EYA4: variants seen among roughly 807,000 people sequenced by gnomAD.
The protein encoded by EYA4 is EYA transcriptional coactivator and phosphatase 4.
A neutral mutation model predicts 87.9 loss-of-function variants in EYA4; 31 were observed. That is an observed-to-expected ratio of 0.35 (90% CI 0.27 to 0.48). The LOEUF is 0.48. EYA4 is among the 20% of genes least tolerant of loss of function. EYA4 has a pLI of 0.99. For missense variants in EYA4, 678 were observed against 761.4 expected (o/e 0.89, Z 1.29); for synonymous variants, 263 against 270.6 (o/e 0.97, Z 0.28).
intron 3 of EYA4, among the ~76,000 whole-genome samples, chr6:133,416,198 T>C (rs1256918114): frequency 6.6e-6 from 1 of 152,166 alleles, no homozygotes; most frequent in Non-Finnish European, 1.5e-5. Context: ...GTATCAATAA[T>C]GGATTTGAAG....
At chr6:133,322,031 G>A (rs1036112573) in intron 2 of EYA4, among the ~76,000 whole-genome samples, 10 of 152,142 alleles carry the variant, frequency 6.6e-5, no homozygotes, top group Non-Finnish European at 1.0e-4. Context: ...TTCAGATTGT[G>A]TTTATCATTG....
intron 3 of EYA4, among the ~76,000 whole-genome samples, chr6:133,441,830 G>C (rs769534069): frequency 1.3e-5 from 2 of 151,918 alleles, no homozygotes; most frequent in Non-Finnish European, 2.9e-5. Flanking sequence ...AATTGAAAAG[G>C]GTTGCTTTAT....
At chr6:133,243,322 G>C (rs1774129146) in intron 1 of EYA4, among the ~76,000 whole-genome samples, 1 of 152,116 alleles carries the variant, frequency 6.6e-6, no homozygotes. Context: ...GGCACCCTGG[G>C]ATCAACGTAA....
intron 17 of EYA4, among the ~76,000 whole-genome samples, chr6:133,522,025 T>G: frequency 2.4e-5 from 3 of 127,638 alleles, no homozygotes; most frequent in South Asian, 3.0e-4. Context: ...AGATGACGAG[T>G]TAGTGGGTGC....
chr6:133,426,109 A>G lies in EYA4; in HGVS notation c.84-20521A>G, dbSNP rs1305725955. On this transcript the variant is annotated intron_variant, in intron 3 of 19. Coordinates refer to ENST00000355286, the MANE Select transcript of EYA4 (RefSeq NM_004100.5). ...AAGCCTTCTTTTATCTCCTGCATAC[A>G]TGTACATTTACAGAAAACTCAGTAA... is the stretch of plus-strand genomic sequence containing the variant. 1.3e-5 allele frequency among the ~76,000 whole-genome samples: 2 copies of G among 148,666 alleles called. 1 individual carries two copies. Among genetic ancestry groups the G allele is most frequent in the African/African-American group, 5.2e-5 (2 of 38,564 alleles).
Position 133,301,880 on chromosome 6 carries a change from C to T in EYA4, c.33+27067C>T, listed in dbSNP as rs372228205. Among the ~76,000 whole-genome samples, 33 of 152,314 alleles carry T rather than the reference C, an allele frequency of 2.2e-4. No individual in the cohort carries two copies. The South Asian group carries it at 5.4e-3, about 25-fold the overall frequency. On this transcript the variant is annotated intron_variant, in intron 2 of 19. Transcript: ENST00000355286. ...AGCAGAAGGATGAATGTGACATAGC[C>T]CATGCTCTGAAGGAGCTTGCAGTCT... is the stretch of plus-strand genomic sequence containing the variant.
intron 13 of EYA4, among the ~76,000 whole-genome samples, chr6:133,501,308 C>T (rs1265836313): frequency 6.6e-6 from 1 of 152,004 alleles, no homozygotes; most frequent in African/African-American, 2.4e-5. Context: ...TATCAGATAT[C>T]TCATCCAGTA....
chr6:133,315,557 A>G (rs1183200878), intron 2 of EYA4, among the ~76,000 whole-genome samples: 1 of 152,214 alleles, frequency 6.6e-6, no homozygotes, highest in African/African-American at 2.4e-5. Context: ...CCAAAATGGT[A>G]AAAGAAAATG....
intron 10 of EYA4, 111 bp from the exon 11 acceptor site, chr6:133,468,455 A>G: frequency 1.1e-6 from 1 of 898,558 alleles, no homozygotes; most frequent in South Asian, 1.3e-5. Context: ...GGACTCAGAA[A>G]CAAATGGGGC....
In EYA4 at chr6:133,391,225, T is replaced by TTG. The variant is rs1253312295; in HGVS notation, c.83+8785_83+8786insGT. ...TTATTTTTTGGGTTTTGTTTTTGTT[T>TTG]TTTTTTTTTTTTTGAGATGGAGTTT... On this transcript the variant is annotated intron_variant, in intron 3 of 19. Coordinates refer to ENST00000355286, the MANE Select transcript of EYA4 (RefSeq NM_004100.5). Among the ~76,000 whole-genome samples the TTG allele has an allele frequency of 4.9e-5, 4 of 82,098 alleles. No individual in the cohort carries two copies. The East Asian group carries it at 1.4e-3, about 28-fold the overall frequency. The allele number at this position is 82,098 out of a possible 152,430, so 53.9% of individuals were successfully genotyped here. A position where few individuals can be genotyped will look rare whatever the true frequency, so the allele number is the denominator to read the frequency against.
intron 2 of EYA4, among the ~76,000 whole-genome samples, chr6:133,314,703 TA>T: frequency 6.6e-6 from 1 of 152,194 alleles, no homozygotes; most frequent in Non-Finnish European, 1.5e-5. Context: ...GTTACAACCA[TA>T]AAAATAAAGC....
intron 2 of EYA4, among the ~76,000 whole-genome samples, chr6:133,299,443 C>T (rs1486409464): frequency 2.0e-5 from 3 of 151,910 alleles, no homozygotes; most frequent in Non-Finnish European, 4.4e-5. Context: ...CACTTAAAAT[C>T]GGCTGGGCCT....
chr6:133,346,034 C>T (rs1267204551), intron 2 of EYA4, among the ~76,000 whole-genome samples: 2 of 152,166 alleles, frequency 1.3e-5, no homozygotes, highest in African/African-American at 4.8e-5. Context: ...TTGACTTGCT[C>T]ACTCCTTTCT....
intron 2 of EYA4, among the ~76,000 whole-genome samples, chr6:133,292,815 A>G (rs1778595558): frequency 6.6e-6 from 1 of 152,212 alleles, no homozygotes. Flanking sequence ...CTTTTCCTGA[A>G]TGTCAACCCT....
At chr6:133,463,995 G>A (rs896351448) in intron 9 of EYA4, among the ~76,000 whole-genome samples, 1 of 151,578 alleles carries the variant, frequency 6.6e-6, no homozygotes, top group Non-Finnish European at 1.5e-5. Context: ...TTTCATACTG[G>A]TTATTCCAGG....
intron 19 of EYA4, among the ~76,000 whole-genome samples, chr6:133,526,404 TAGAC>T (rs1160054435): frequency 2.6e-5 from 4 of 152,018 alleles, no homozygotes; most frequent in Non-Finnish European, 4.4e-5. Flanking sequence ...ACAGTCAACA[TAGAC>T]AGTTTTATAG....
chr6:133,415,851 CACA>C (rs1396388165), intron 3 of EYA4, among the ~76,000 whole-genome samples: 2 of 152,116 alleles, frequency 1.3e-5, no homozygotes, highest in Non-Finnish European at 2.9e-5. Context: ...GAAACAGACA[CACA>C]ACAAGTATAA....
At position 133,531,851 on chromosome 6, in the gene EYA4, A is replaced by T. The variant is rs1175891947; in HGVS notation, c.*3046A>T. On this transcript the variant is annotated 3_prime_UTR_variant, in exon 20 of 20. Transcript: ENST00000355286. The stretch of plus-strand genomic sequence containing the variant: ...TTTTAAAGCACATTTGTTTATGACA[A>T]GCCTACATTCTCAGTGAATATGGCA... 6.6e-6 allele frequency: 1 copy of T among 152,218 alleles called. No individual in the cohort carries two copies. The highest frequency in any genetic ancestry group is 1.9e-4 in the East Asian group (1 of 5,190). The allele number at this position is 152,218 out of a possible 1,614,324, so 9.4% of individuals were successfully genotyped here. A position where few individuals can be genotyped will look rare whatever the true frequency, so the allele number is the denominator to read the frequency against.
chr6:133,311,311 A>T (rs1458541442), intron 2 of EYA4, among the ~76,000 whole-genome samples: 1 of 151,938 alleles, frequency 6.6e-6, no homozygotes, highest in East Asian at 1.9e-4. Context: ...TTTAAAATTT[A>T]ATTTAATTTT....
Sources: allele counts gnomAD v4.1 joint callset (sites outside exome capture counted in the v4.1 genomes callset), GRCh38; gene constraint gnomAD v4.1.1; transcripts MANE v1.5; gene names NCBI Gene and HGNC (gene_info 2026-07-23, HGNC 2026-07-21).